Variants in LRRC53 observed in about 807,000 individuals in gnomAD.
LRRC53 encodes leucine-rich repeat-containing protein 53.
A neutral mutation model predicts 13.6 loss-of-function variants in LRRC53; 25 were observed. The ratio of observed to expected loss-of-function variants is 1.83; its 90% CI spans 1.34 to 2.56. LRRC53 has a LOEUF of 2.56. Among genes scored for constraint, LRRC53 ranks in the 30% most tolerant of loss-of-function variants. The probability of loss-of-function intolerance (pLI) is 0.00; values close to 1 mark genes in which losing one functional copy is unlikely to be tolerated. For synonymous variants in LRRC53, 204 were observed against 109.8 expected (o/e 1.86, Z -5.37); for missense variants, 527 against 275.8 (o/e 1.91, Z -6.45).
intron 2 of LRRC53, among the ~76,000 whole-genome samples, chr1:74,481,592 G>A (rs1018745651): frequency 1.3e-5 from 2 of 152,152 alleles, no homozygotes; most frequent in Admixed American, 6.6e-5. Flanking sequence ...TATAGTCTGG[G>A]CCATCTTGGC....
At chr1:74,484,110 C>G (rs1668634853) in intron 1 of LRRC53, among the ~76,000 whole-genome samples, 1 of 150,096 alleles carries the variant, frequency 6.7e-6, no homozygotes, top group African/African-American at 2.5e-5. Flanking sequence ...TAAACTTTAC[C>G]TTTATTTTAA....
At chr1:74,497,097 T>G (rs1006009227) in intron 1 of LRRC53, among the ~76,000 whole-genome samples, 1 of 152,186 alleles carries the variant, frequency 6.6e-6, no homozygotes, top group Non-Finnish European at 1.5e-5. Flanking sequence ...GCACTTAGAA[T>G]GGAATGCAGT....
At chr1:74,485,480 G>A (rs554320467) in intron 1 of LRRC53, among the ~76,000 whole-genome samples, 6 of 152,280 alleles carry the variant, frequency 3.9e-5, no homozygotes, top group Admixed American at 2.0e-4. Flanking sequence ...TCTCTACTGC[G>A]TATTTGTGAT....
chr1:74,488,329 G>A (rs1280766178), intron 1 of LRRC53, among the ~76,000 whole-genome samples: 1 of 152,090 alleles, frequency 6.6e-6, no homozygotes, highest in East Asian at 1.9e-4. Context: ...AGCTTATAAG[G>A]GAAGCAGTGT....
intron 2 of LRRC53, among the ~76,000 whole-genome samples, chr1:74,481,487 A>G (rs1325016624): frequency 6.6e-6 from 1 of 152,182 alleles, no homozygotes; most frequent in East Asian, 1.9e-4. Flanking sequence ...AGGAGCATTG[A>G]TTTCTGCTTT....
the LRRC53 span, among the ~76,000 whole-genome samples, chr1:74,533,740 T>G: frequency 5.3e-5 from 8 of 151,114 alleles, no homozygotes; most frequent in African/African-American, 1.9e-4. Flanking sequence ...CCATAAAAAA[T>G]GATGAGTTCA....
At position 74,480,840 on chromosome 1, in the gene LRRC53, G is replaced by A. The variant is rs546163601; in HGVS notation, c.217C>T (p.Gln73Ter). 8.4e-6 allele frequency: 6 copies of A among 717,494 alleles called. 1 individual carries two copies. The highest frequency in any genetic ancestry group is 7.4e-5 in the South Asian group (5 of 67,594). The allele number at this position is 717,494 out of a possible 1,614,324, so 44.4% of individuals were successfully genotyped here. A position where few individuals can be genotyped will look rare whatever the true frequency, so the allele number is the denominator to read the frequency against. Residue 73 changes from glutamine (Q) to a stop codon, truncating the protein, a stop_gained, in exon 3 of 5, where the codon CAG becomes TAG. Transcript: ENST00000294635. LOFTEE classifies it high-confidence loss of function. ...SLSRNGIEDV[Q>*]EDALHGLTML... The stretch of plus-strand genomic sequence containing the variant: ...GTAAGCCCATGCAGGGCATCTTCCT[G>A]AACATCCTCGATACCATTTCTGCTT...
intron 4 of LRRC53, among the ~76,000 whole-genome samples, chr1:74,473,886 C>A (rs507181): frequency 0.55 from 84,194 of 151,826 alleles, 23,565 homozygotes; most frequent in East Asian, 0.68. Flanking sequence ...GATCTAAAGT[C>A]CTCTCTACAC....
the LRRC53 span, among the ~76,000 whole-genome samples, chr1:74,520,077 T>A: frequency 8.5e-5 from 13 of 152,152 alleles, no homozygotes; most frequent in Non-Finnish European, 1.8e-4. Context: ...TAATGGTGAT[T>A]TGTGAGATTT....
Position 74,489,167 on chromosome 1 carries a change from A to T in LRRC53, c.-26-5792T>A, listed in dbSNP as rs1160328965. ...CCTTCCTTTTATTCTTAAGGGAAAA[A>T]AGTTCTTTTTTCTATTTACAGGGAA... On this transcript the variant is annotated intron_variant, in intron 1 of 4. Transcript: ENST00000294635. The T allele has an allele frequency of 1.9e-6, 3 of 1,598,210 alleles. No homozygotes were observed. In the African/African-American group the frequency reaches 4.2e-5, roughly 22 times the overall value.
At position 74,489,663 on chromosome 1, in the gene LRRC53, A is replaced by G. The variant is rs1303490085; in HGVS notation, c.-26-6288T>C. Among the ~76,000 whole-genome samples the G allele has an allele frequency of 2.0e-5, 3 of 152,178 alleles. No homozygotes were observed. In the East Asian group the frequency reaches 5.8e-4, roughly 29 times the overall value. On this transcript the variant is annotated intron_variant, in intron 1 of 4. Coordinates refer to ENST00000294635, the MANE Select transcript of LRRC53 (RefSeq NM_001382280.1). Reference sequence around the variant, plus strand: ...AATTATCAATAAAATATGTTCATAAATTAGTTGGAATGCATTGCTTTCACA... The same window carrying G: ...AATTATCAATAAAATATGTTCATAAGTTAGTTGGAATGCATTGCTTTCACA...
chr1:74,500,408 C>T (rs1251840675), intron 1 of LRRC53, among the ~76,000 whole-genome samples: 4 of 151,044 alleles, frequency 2.6e-5, no homozygotes, highest in African/African-American at 4.9e-5. Flanking sequence ...GAGACCATCC[C>T]GGCTAAAAAA....
At position 74,471,380 on chromosome 1, in the gene LRRC53, G is replaced by A; in HGVS notation, c.2242C>T (p.Pro748Ser). The A allele has an allele frequency of 2.5e-6, 1 of 400,666 alleles. No homozygotes were observed. Among genetic ancestry groups the A allele is most frequent in the Non-Finnish European group, 4.4e-6 (1 of 226,172 alleles). 24.8% of individuals were successfully genotyped at this position (400,666 alleles called of 1,614,324 possible). The change falls in exon 5 of 5, where the codon CCT (proline) becomes TCT (serine). Residue 748 changes from proline to serine, a missense_variant. By Grantham distance (74) the Pro-to-Ser change is moderately conservative (BLOSUM62 -1). Coordinates refer to ENST00000294635, the MANE Select transcript of LRRC53 (RefSeq NM_001382280.1). ...LPKQCKQVLL[P>S]PKKLSKTSET... is the part of the protein sequence containing the mutation. ...GAAGTTTTGGATAATTTCTTAGGAG[G>A]CAACAATACCTGCTTGCATTGCTTT...
At chr1:74,519,758 C>A in the LRRC53 span, among the ~76,000 whole-genome samples, 1 of 151,974 alleles carries the variant, frequency 6.6e-6, no homozygotes, top group African/African-American at 2.4e-5. Flanking sequence ...AGGACAAGTA[C>A]CTATAATGAA....
the LRRC53 span, among the ~76,000 whole-genome samples, chr1:74,534,783 C>T: frequency 6.6e-6 from 1 of 152,078 alleles, no homozygotes; most frequent in Non-Finnish European, 1.5e-5. Flanking sequence ...TAGTGCCAGC[C>T]TTATACAACC....
rs1359234445 is a variant in LRRC53, at chr1:74,475,402, G to A, written c.1313C>T (p.Ala438Val). Residue 438 changes from alanine to valine, a missense_variant, in exon 4 of 5, where the codon GCA (alanine) becomes GTA (valine). Coordinates refer to ENST00000294635, the MANE Select transcript of LRRC53 (RefSeq NM_001382280.1). The stretch of plus-strand genomic sequence containing the variant: ...TGGATTATATGTTGTAAGTAAGCCT[G>A]CTTCATTAAAAGCTCTCATATTTCC... The part of the protein sequence containing the change: ...PPGNMRAFNE[A>V]GLLTTYNPRK... 5.6e-6 allele frequency: 4 copies of A among 717,080 alleles called. No individual in the cohort carries two copies. The Admixed American group carries it at 6.0e-5, about 11-fold the overall frequency. The allele number at this position is 717,080 out of a possible 1,614,324, so 44.4% of individuals were successfully genotyped here.
chr1:74,517,109 T>A (rs1646360385), upstream of LRRC53, among the ~76,000 whole-genome samples: 1 of 152,226 alleles, frequency 6.6e-6, no homozygotes, highest in Non-Finnish European at 1.5e-5. Flanking sequence ...TGGTAGATGC[T>A]GTTCATTATT....
chr1:74,501,818 A>G (rs1273454295), intron 1 of LRRC53, among the ~76,000 whole-genome samples: 1 of 152,064 alleles, frequency 6.6e-6, no homozygotes, highest in East Asian at 1.9e-4. Flanking sequence ...CACGTGTAGT[A>G]ATAATTCTGC....
chr1:74,508,540 A>G (rs753100334), intron 1 of LRRC53, among the ~76,000 whole-genome samples: 6 of 152,236 alleles, frequency 3.9e-5, no homozygotes, highest in Non-Finnish European at 7.3e-5. Context: ...CACAAAAGAC[A>G]GAGAGAAAAG....
Sources: gnomAD v4.1 joint callset for allele counts (sites outside exome capture counted in the v4.1 genomes callset) on GRCh38, gnomAD v4.1.1 for gene constraint, MANE v1.5 for transcripts, NCBI Gene and HGNC (gene_info 2026-07-23, HGNC 2026-07-21) for gene names.